DOCK1: variants seen among roughly 807,000 people sequenced by gnomAD.
DOCK1 encodes dedicator of cytokinesis protein 1.
In DOCK1, 138 loss-of-function variants were observed where a neutral mutation model predicts 262.7. The ratio of observed to expected loss-of-function variants is 0.53; its 90% CI spans 0.46 to 0.61. DOCK1 has a LOEUF of 0.61. Among genes scored for constraint, DOCK1 ranks in the 20% least tolerant of loss-of-function variants. The probability of loss-of-function intolerance (pLI) is 0.00; values close to 1 mark genes in which losing one functional copy is unlikely to be tolerated. For missense variants in DOCK1, 1,908 were observed against 2,370.7 expected (o/e 0.80, Z 4.05); for synonymous variants, 866 against 867.4 (o/e 1.00, Z 0.03).
intron 29 of DOCK1, among the ~76,000 whole-genome samples, chr10:127,301,524 G>A (rs1239369766): frequency 6.6e-6 from 1 of 152,166 alleles, no homozygotes; most frequent in Non-Finnish European, 1.5e-5. Flanking sequence ...AGGAGAACAG[G>A]AATTTCTCCA....
rs968709433 is a variant in DOCK1, at chr10:127,449,045, G to A, written c.5565+1500G>A. 5.3e-5 allele frequency among the ~76,000 whole-genome samples: 8 copies of A among 152,244 alleles called. No individual in the cohort carries two copies. The East Asian group carries it at 9.7e-4, about 18-fold the overall frequency. On this transcript the variant is annotated intron_variant, in intron 51 of 51. Transcript: ENST00000623213. ...GGCAGATTGCTCTTCTGAGACCCAA[G>A]TGCCATTTAAACAGGCTCCCTCTCC... is the stretch of plus-strand genomic sequence containing the variant.
intron 1 of DOCK1, among the ~76,000 whole-genome samples, chr10:126,943,273 T>C (rs2035156869): frequency 6.6e-6 from 1 of 152,070 alleles, no homozygotes; most frequent in African/African-American, 2.4e-5. Flanking sequence ...AACAAACAAA[T>C]GAAAGGTTTA....
At chr10:127,421,790 T>C (rs7092795) in intron 46 of DOCK1, among the ~76,000 whole-genome samples, 136,924 of 152,260 alleles carry the variant, frequency 0.9, 61,702 homozygotes, top group African/African-American at 0.95. Flanking sequence ...CATGTTGTAG[T>C]GTGTGTCAGA....
At chr10:127,070,854 A>G (rs1057014376) in intron 23 of DOCK1, among the ~76,000 whole-genome samples, 42 of 152,062 alleles carry the variant, frequency 2.8e-4, no homozygotes, top group African/African-American at 9.9e-4. Context: ...GTCCCTGGCC[A>G]TATATTGAGT....
chr10:127,095,293 G>GA (rs1322754566), intron 23 of DOCK1, among the ~76,000 whole-genome samples: 1 of 152,186 alleles, frequency 6.6e-6, no homozygotes, highest in African/African-American at 2.4e-5. Context: ...GCCCTATCCT[G>GA]ATGCCCTGAG....
intron 25 of DOCK1, among the ~76,000 whole-genome samples, chr10:127,112,624 T>G (rs901443882): frequency 6.6e-6 from 1 of 152,188 alleles, no homozygotes; most frequent in Non-Finnish European, 1.5e-5. Context: ...GGAATTAGGA[T>G]TTTGATCTTA....
rs778778518 is a variant in DOCK1, at chr10:127,018,747, C to G, written c.1239C>G (p.Ile413Met). The change falls in exon 13 of 52, where the codon ATC becomes ATG. Residue 413 changes from isoleucine to methionine, a missense_variant. Ile to Met is a conservative substitution (Grantham distance 10, BLOSUM62 1). This residue lies in a region of DOCK1 where 294 missense variants were observed against 439.9 expected (regional missense o/e 0.67). Coordinates refer to ENST00000623213, the MANE Select transcript of DOCK1 (RefSeq NM_001290223.2). ...WVTLKLLPGDIHQIRKEFPHL... is the reference protein window; with the variant it reads ...WVTLKLLPGDMHQIRKEFPHL... ...CATTGAAATTACTTCCTGGAGATATCCATCAGATCCGAAAAGAGTTTCCGC... is the reference window on the plus strand; with the variant it reads ...CATTGAAATTACTTCCTGGAGATATGCATCAGATCCGAAAAGAGTTTCCGC... 4 of 1,613,996 alleles carry G rather than the reference C, an allele frequency of 2.5e-6. No individual in the cohort carries two copies. The highest frequency in any genetic ancestry group is 2.5e-6 in the Non-Finnish European group (3 of 1,179,900).
intron 1 of DOCK1, among the ~76,000 whole-genome samples, chr10:126,951,457 GGTA>G (rs1392212994): frequency 2.2e-4 from 33 of 151,496 alleles, no homozygotes; most frequent in Non-Finnish European, 4.3e-4. Flanking sequence ...TGGTAGTATT[GGTA>G]GTAGTGGTAG....
chr10:127,012,890 G>A lies in DOCK1; in HGVS notation c.1201+516G>A, dbSNP rs550166092. Reference sequence around the variant, plus strand: ...AATCAGTCACCTCGGGCTGGTGACAGTTGGCACTTGGCTGGCCAGGAGGGC... The same window carrying A: ...AATCAGTCACCTCGGGCTGGTGACAATTGGCACTTGGCTGGCCAGGAGGGC... On this transcript the variant is annotated intron_variant, in intron 12 of 51. Coordinates refer to ENST00000623213, the MANE Select transcript of DOCK1 (RefSeq NM_001290223.2). This position sits in a 1 kb window ranked among gnomAD's most constrained non-coding sequence, Gnocchi z 4.0. Among the ~76,000 whole-genome samples, 1 of 152,210 alleles carries A rather than the reference G, an allele frequency of 6.6e-6. No homozygotes were observed. The highest frequency in any genetic ancestry group is 2.4e-5 in the African/African-American group (1 of 41,444).
At chr10:127,369,341 A>G (rs1236116613) in intron 33 of DOCK1, among the ~76,000 whole-genome samples, 2 of 152,210 alleles carry the variant, frequency 1.3e-5, no homozygotes, top group Non-Finnish European at 2.9e-5. Flanking sequence ...AAGAGGAAAT[A>G]TGGCACAAGA....
chr10:127,067,673 A>G (rs1479074390), intron 23 of DOCK1, among the ~76,000 whole-genome samples: 2 of 152,174 alleles, frequency 1.3e-5, no homozygotes, highest in African/African-American at 4.8e-5. Context: ...AGTTAAAAAA[A>G]AATTGCTGGT....
Position 127,451,655 on chromosome 10 carries a change from T to C in DOCK1, c.*228T>C, listed in dbSNP as rs1046286026. ...GATATGGGTCCGGGATGTGCTATCG[T>C]AGTTATCAGAGTTGGGGGCCTCTGA... On this transcript the variant is annotated 3_prime_UTR_variant, in exon 52 of 52. Transcript: ENST00000623213. 8.9e-5 allele frequency: 85 copies of C among 959,030 alleles called. No homozygotes were observed. Among genetic ancestry groups the C allele is most frequent in the Admixed American group, 4.6e-4 (14 of 30,196 alleles). The allele number at this position is 959,030 out of a possible 1,614,324, so 59.4% of individuals were successfully genotyped here.
intron 29 of DOCK1, among the ~76,000 whole-genome samples, chr10:127,336,824 C>G (rs2063222845): frequency 6.6e-6 from 1 of 152,198 alleles, no homozygotes; most frequent in African/African-American, 2.4e-5. Context: ...CAGGCGTGAG[C>G]CACCGCGCCC....
Position 127,109,081 on chromosome 10 carries a change from G to T in DOCK1, c.2517-1167G>T, listed in dbSNP as rs112106832. On this transcript the variant is annotated intron_variant, in intron 24 of 51. Transcript: ENST00000623213. ...TTCTGCTCCTATTTTATATCATTAG[G>T]ATAAAAAGAGAAATGGCATTACTTG... 2.6e-3 allele frequency among the ~76,000 whole-genome samples: 397 copies of T among 152,220 alleles called. 1 individual carries two copies. Among genetic ancestry groups the T allele is most frequent in the African/African-American group, 9.0e-3 (374 of 41,530 alleles).
At chr10:127,313,972 G>T (rs1209764769) in intron 29 of DOCK1, among the ~76,000 whole-genome samples, 1 of 152,146 alleles carries the variant, frequency 6.6e-6, no homozygotes, top group Admixed American at 6.5e-5. Context: ...CAGATGCTTT[G>T]TGTGGAACGT....
chr10:127,020,809 C>T (rs1232970934), intron 13 of DOCK1, among the ~76,000 whole-genome samples: 1 of 152,116 alleles, frequency 6.6e-6, no homozygotes, highest in Admixed American at 6.5e-5. Context: ...GTCTCGCTGT[C>T]TTTAGCCTGC....
chr10:127,229,282 C>G (rs190692688), intron 27 of DOCK1, among the ~76,000 whole-genome samples: 1 of 152,176 alleles, frequency 6.6e-6, no homozygotes, highest in Non-Finnish European at 1.5e-5. Flanking sequence ...CTGCAGTTTT[C>G]AAGTGTGCAG....
chr10:127,051,827 C>G (rs1183699013), intron 21 of DOCK1, among the ~76,000 whole-genome samples: 1 of 152,150 alleles, frequency 6.6e-6, no homozygotes. Flanking sequence ...AAGTGATTCA[C>G]CTGCCTTGGC....
At chr10:127,296,854 G>A (rs75549929) in intron 29 of DOCK1, among the ~76,000 whole-genome samples, 3,967 of 152,302 alleles carry the variant, frequency 0.026, 164 homozygotes, top group African/African-American at 0.088. Context: ...GAGCAGCCTG[G>A]AAATGCGTCC....
Sources: allele counts gnomAD v4.1 joint callset (sites outside exome capture counted in the v4.1 genomes callset), GRCh38; gene constraint gnomAD v4.1.1; regional missense constraint gnomAD v4.1.1; non-coding constraint Gnocchi (gnomAD v3.1); transcripts MANE v1.5; gene names NCBI Gene and HGNC (gene_info 2026-07-23, HGNC 2026-07-21).